PHACTR2: variants seen among roughly 807,000 people sequenced by gnomAD.
PHACTR2 encodes the protein chromosome 6 open reading frame 56.
A neutral mutation model predicts 76.0 loss-of-function variants in PHACTR2; 30 were observed. The ratio of observed to expected loss-of-function variants is 0.39; its 90% CI spans 0.30 to 0.54. The LOEUF is 0.54. Ranked by LOEUF, PHACTR2 falls within the 20% of genes least tolerant of loss-of-function variation. The pLI is 0.61. For missense variants in PHACTR2, 696 were observed against 781.1 expected, an observed-to-expected ratio of 0.89 and a Z score of 1.30; for synonymous variants, 292 against 292.5, an observed-to-expected ratio of 1.00 and a Z score of 0.02.
chr6:143,544,395 T>C (rs1781203504), intron 1 of PHACTR2, among the ~76,000 whole-genome samples: 1 of 152,150 alleles, frequency 6.6e-6, no homozygotes, highest in Non-Finnish European at 1.5e-5. Flanking sequence ...GTATCACACC[T>C]TTCTCCCCCA....
Position 143,585,502 on chromosome 6 carries a change from A to C in PHACTR2, c.217+48295A>C, listed in dbSNP as rs1048650249. On this transcript the variant is annotated intron_variant, in intron 1 of 11. Coordinates refer to the PHACTR2 transcript ENST00000367584. This position sits in a 1 kb window ranked among gnomAD's most constrained non-coding sequence, Gnocchi z 5.2. ...GCTTCAGGAGTAAGGAACTGGATTCAGAAACAAGAGCTGCCAGTGCCGCAT... is the reference window on the plus strand; with the variant it reads ...GCTTCAGGAGTAAGGAACTGGATTCCGAAACAAGAGCTGCCAGTGCCGCAT... Among the ~76,000 whole-genome samples, 1 of 152,224 alleles carries C rather than the reference A, an allele frequency of 6.6e-6. No homozygotes were observed. Among genetic ancestry groups the C allele is most frequent in the Non-Finnish European group, 1.5e-5 (1 of 68,048 alleles).
upstream of PHACTR2, among the ~76,000 whole-genome samples, chr6:143,605,179 A>G (rs1775856426): frequency 1.3e-5 from 2 of 152,116 alleles, no homozygotes; most frequent in African/African-American, 2.4e-5. The surrounding 1 kb of genome is among the most constrained non-coding windows in gnomAD (Gnocchi z 5.0). Context: ...CGAAGGTGGG[A>G]TCACACTGAG....
chr6:143,756,989 G>A (rs1244852738), intron 4 of PHACTR2, among the ~76,000 whole-genome samples: 1 of 151,536 alleles, frequency 6.6e-6, no homozygotes, highest in African/African-American at 2.4e-5. Context: ...GGAGGTTGTA[G>A]TGAGCTGAGT....
upstream of PHACTR2, among the ~76,000 whole-genome samples, chr6:143,605,874 A>G (rs75201790): frequency 4.6e-5 from 7 of 152,290 alleles, no homozygotes; most frequent in East Asian, 9.6e-4. This position sits in a 1 kb window ranked among gnomAD's most constrained non-coding sequence, Gnocchi z 5.0. Context: ...GTATATATTT[A>G]TGGGGTATGA....
chr6:143,734,053 A>T (rs1487648261), intron 2 of PHACTR2, among the ~76,000 whole-genome samples: 1 of 152,132 alleles, frequency 6.6e-6, no homozygotes, highest in Non-Finnish European at 1.5e-5. Flanking sequence ...TTTTATACAT[A>T]GGTGGATGGA....
In PHACTR2 at chr6:143,558,460, A is replaced by G. The variant is rs955900575; in HGVS notation, c.217+21253A>G. Among the ~76,000 whole-genome samples the G allele has an allele frequency of 2.6e-5, 4 of 152,216 alleles. No homozygotes were observed. The highest frequency in any genetic ancestry group is 6.5e-5 in the Admixed American group (1 of 15,286). ...TTAGAAATATTAAATTTCTAAATTC[A>G]TATGTAGTAAAACTACTAGGTTTTA... On this transcript the variant is annotated intron_variant, in intron 1 of 11. Coordinates refer to the PHACTR2 transcript ENST00000367584. This position sits in a 1 kb window ranked among gnomAD's most constrained non-coding sequence, Gnocchi z 4.7.
chr6:143,802,457 C>G (rs1310931093), intron 11 of PHACTR2, among the ~76,000 whole-genome samples: 2 of 150,998 alleles, frequency 1.3e-5, no homozygotes, highest in African/African-American at 2.4e-5. Flanking sequence ...CTGGGCAACA[C>G]AGCAAAACCT....
chr6:143,657,662 G>A (rs1464719682), intron 1 of PHACTR2, among the ~76,000 whole-genome samples: 2 of 152,200 alleles, frequency 1.3e-5, no homozygotes, highest in African/African-American at 2.4e-5. Context: ...GTCAGATTGA[G>A]CAGATTGGGG....
rs1162818666 is a variant in PHACTR2, at chr6:143,704,076, G to GGTGT, written c.47-7925_47-7922dup. ...TTCACTTCATGGTAAGTCCATCATGGGTGTGTGTGTGTGTGTGTCTGTGTG... is the reference window on the plus strand; with the variant it reads ...TTCACTTCATGGTAAGTCCATCATGGGTGTGTGTGTGTGTGTGTGTGTCTGTGTG... On this transcript the variant is annotated intron_variant, in intron 1 of 12. Coordinates refer to ENST00000440869, the MANE Select transcript of PHACTR2 (RefSeq NM_001100164.2). Among the ~76,000 whole-genome samples, 335 of 72,938 alleles carry GGTGT rather than the reference G, an allele frequency of 4.6e-3. 1 individual carries two copies. Among genetic ancestry groups the GGTGT allele is most frequent in the African/African-American group, 0.019 (313 of 16,734 alleles). The allele number at this position is 72,938 out of a possible 152,430, so 47.9% of individuals were successfully genotyped here.
chr6:143,825,834 A>T lies in PHACTR2; in HGVS notation c.*2145A>T, dbSNP rs1776519663. On this transcript the variant is annotated 3_prime_UTR_variant, in exon 13 of 13. Transcript: ENST00000440869. The surrounding 1 kb of genome is among the most constrained non-coding windows in gnomAD (Gnocchi z 4.1). ...TCAAAGTATGTTATTGAAAGTTTCT[A>T]TTTGGTTGATAAAAGGAACAATTTT... The T allele has an allele frequency of 6.6e-6, 1 of 152,124 alleles. No homozygotes were observed. The highest frequency in any genetic ancestry group is 6.5e-5 in the Admixed American group (1 of 15,280). 9.4% of individuals were successfully genotyped at this position (152,124 alleles called of 1,614,324 possible).
Position 143,784,097 on chromosome 6 carries a change from A to T in PHACTR2, c.1707+817A>T, listed in dbSNP as rs1775497145. Among the ~76,000 whole-genome samples the T allele has an allele frequency of 1.3e-5, 2 of 152,240 alleles. No homozygotes were observed. The highest frequency in any genetic ancestry group is 6.5e-5 in the Admixed American group (1 of 15,292). Reference sequence around the variant, plus strand: ...TTAATTATGATAAAAATTATTTCTTAAAATGCTCACACTTTCCATTTAGTG... The same window carrying T: ...TTAATTATGATAAAAATTATTTCTTTAAATGCTCACACTTTCCATTTAGTG... On this transcript the variant is annotated intron_variant, in intron 10 of 12. Coordinates refer to ENST00000440869, the MANE Select transcript of PHACTR2 (RefSeq NM_001100164.2). The surrounding 1 kb of genome is among the most constrained non-coding windows in gnomAD (Gnocchi z 4.5).
In PHACTR2 at chr6:143,614,140, T is replaced by C. The variant is rs377137611; in HGVS notation, c.13+5818T>C. On this transcript the variant is annotated intron_variant, in intron 1 of 11. Transcript: ENST00000305766. ...GGATGCCTGAGGTGGGAGAATTGCT[T>C]GAACCCGGGAGGCAGAGGTTGCAGT... 8.5e-5 allele frequency among the ~76,000 whole-genome samples: 13 copies of C among 152,264 alleles called. No homozygotes were observed. In the East Asian group the frequency reaches 1.2e-3, roughly 14 times the overall value.
chr6:143,573,866 A>G (rs1357253025), intron 1 of PHACTR2, among the ~76,000 whole-genome samples: 1 of 152,188 alleles, frequency 6.6e-6, no homozygotes, highest in Admixed American at 6.5e-5. Context: ...CTGGTTCTCC[A>G]TAACTGTTTA....
Position 143,601,663 on chromosome 6 carries a change from C to CTGGA in PHACTR2, c.217+64456_217+64457insTGGA, listed in dbSNP as rs1268344381. Among the ~76,000 whole-genome samples the CTGGA allele has an allele frequency of 2.0e-4, 30 of 152,304 alleles. 1 individual carries two copies. Among genetic ancestry groups the CTGGA allele is most frequent in the Admixed American group, 1.6e-3 (25 of 15,302 alleles). On this transcript the variant is annotated intron_variant, in intron 1 of 11. Transcript: ENST00000367584. Reference sequence around the variant, plus strand: ...CTTTTTAGTTTTCCAGCCACCAGGGCATTCACTTTGAGATTCATTGCTGAG... The same window carrying CTGGA: ...CTTTTTAGTTTTCCAGCCACCAGGGCTGGAATTCACTTTGAGATTCATTGCTGAG...
rs1252728697 is a variant in PHACTR2 at position 143,543,080 on chromosome 6, T to C, written c.217+5873T>C. ...GCAGAGAGGATACTCAGAAAGGGTGTGGCAGGCCAGACACAGCAGTGTCTC... is the reference window on the plus strand; with the variant it reads ...GCAGAGAGGATACTCAGAAAGGGTGCGGCAGGCCAGACACAGCAGTGTCTC... On this transcript the variant is annotated intron_variant, in intron 1 of 11. Transcript: ENST00000367584. This position sits in a 1 kb window ranked among gnomAD's most constrained non-coding sequence, Gnocchi z 4.7. 1.3e-5 allele frequency among the ~76,000 whole-genome samples: 2 copies of C among 152,238 alleles called. No individual in the cohort carries two copies. The highest frequency in any genetic ancestry group is 1.9e-4 in the East Asian group (1 of 5,206).
intron 2 of PHACTR2, among the ~76,000 whole-genome samples, chr6:143,714,723 C>A (rs147640709): frequency 6.6e-6 from 1 of 152,042 alleles, no homozygotes; most frequent in South Asian, 2.1e-4. Context: ...TCAGATACCC[C>A]CCTTCATTTC....
Position 143,539,085 on chromosome 6 carries a change from A to G in PHACTR2, c.217+1878A>G, listed in dbSNP as rs1428528486. Among the ~76,000 whole-genome samples, 5 of 152,220 alleles carry G rather than the reference A, an allele frequency of 3.3e-5. No individual in the cohort carries two copies. Among genetic ancestry groups the G allele is most frequent in the African/African-American group, 1.2e-4 (5 of 41,458 alleles). On this transcript the variant is annotated intron_variant, in intron 1 of 11. Transcript: ENST00000367584. This position sits in a 1 kb window ranked among gnomAD's most constrained non-coding sequence, Gnocchi z 4.3. ...GCTTGCATCGCCATTTTTCATTTTC[A>G]TGGATGGAAATTATGGCCTGTATGC...
In PHACTR2 at chr6:143,820,688, A is replaced by G. The variant is rs145863983; in HGVS notation, c.1923-2986A>G. ...GGCACAGGGTGCAAGCTGCCAGTGG[A>G]TCTACCATTCTGGGGTCTGGAGGAC... On this transcript the variant is annotated intron_variant, in intron 12 of 12. Coordinates refer to ENST00000440869, the MANE Select transcript of PHACTR2 (RefSeq NM_001100164.2). The surrounding 1 kb of genome is among the most constrained non-coding windows in gnomAD (Gnocchi z 4.2). 9.1e-3 allele frequency among the ~76,000 whole-genome samples: 1,380 copies of G among 152,326 alleles called. 28 individuals carry two copies. The highest frequency in any genetic ancestry group is 0.032 in the African/African-American group (1,318 of 41,582).
In PHACTR2 at chr6:143,624,926, C is replaced by T. The variant is rs568848467; in HGVS notation, c.13+16604C>T. ...ATCCCAGTACTTTGGGAGGCCGAGG[C>T]GGGCGGATCATTTGAGGTCAGGAGT... is the stretch of plus-strand genomic sequence containing the variant. On this transcript the variant is annotated intron_variant, in intron 1 of 11. Coordinates refer to the PHACTR2 transcript ENST00000305766. This position sits in a 1 kb window ranked among gnomAD's most constrained non-coding sequence, Gnocchi z 4.6. Among the ~76,000 whole-genome samples the T allele has an allele frequency of 6.6e-6, 1 of 151,984 alleles. No individual in the cohort carries two copies. Among genetic ancestry groups the T allele is most frequent in the African/African-American group, 2.4e-5 (1 of 41,370 alleles).
Sources: allele counts gnomAD v4.1 joint callset (sites outside exome capture counted in the v4.1 genomes callset), GRCh38; gene constraint gnomAD v4.1.1; non-coding constraint Gnocchi (gnomAD v3.1); transcripts MANE v1.5; gene names NCBI Gene and HGNC (gene_info 2026-07-23, HGNC 2026-07-21).